The following DRAM1 variants were observed in gnomAD, a reference collection of about 807,000 sequenced individuals.
The protein encoded by DRAM1 is DNA damage-regulated autophagy modulator protein 1.
A neutral mutation model predicts 28.5 loss-of-function variants in DRAM1; 25 were observed. That is an observed-to-expected ratio of 0.88 (90% CI 0.64 to 1.23). DRAM1 has a LOEUF of 1.23. Among genes scored for constraint, DRAM1 ranks in the 50% most tolerant of loss-of-function variants. The pLI is 0.00. For missense variants in DRAM1, 249 were observed against 299.2 expected (o/e 0.83, Z 1.24); for synonymous variants, 113 against 114.2 (o/e 0.99, Z 0.07).
intron 4 of DRAM1, among the ~76,000 whole-genome samples, chr12:101,911,873 A>G (rs1425914622): frequency 6.6e-6 from 1 of 152,184 alleles, no homozygotes; most frequent in East Asian, 1.9e-4. Context: ...TCTTATATTG[A>G]CAATATTTTT....
In DRAM1 at chr12:101,923,366, ATC is replaced by A. The variant is rs1179812765; in HGVS notation, c.*2112_*2113del. ...ATGGAGTTTCATGCTTCATTTTCAC[ATC>A]TCTCTGCACAATTAGATTGGGAGCT... On this transcript the variant is annotated 3_prime_UTR_variant, in exon 7 of 7. Coordinates refer to ENST00000258534, the MANE Select transcript of DRAM1 (RefSeq NM_018370.3). 6.6e-6 allele frequency: 1 copy of A among 152,114 alleles called. No homozygotes were observed. The highest frequency in any genetic ancestry group is 1.9e-4 in the East Asian group (1 of 5,198). 9.4% of individuals were successfully genotyped at this position (152,114 alleles called of 1,614,324 possible).
rs1263181357 is a variant in DRAM1 at position 101,921,666 on chromosome 12, T to C, written c.*406T>C. 6.4e-6 allele frequency: 1 copy of C among 155,434 alleles called. No individual in the cohort carries two copies. Among genetic ancestry groups the C allele is most frequent in the East Asian group, 1.9e-4 (1 of 5,308 alleles). The allele number at this position is 155,434 out of a possible 1,614,324, so 9.6% of individuals were successfully genotyped here. ...TATTACAAAGTGAAATCAGGGGATA[T>C]TCATTTGTAAATTTTATTCTTAGTG... On this transcript the variant is annotated 3_prime_UTR_variant, in exon 7 of 7. Transcript: ENST00000258534.
At chr12:101,890,983 T>C (rs1174722604) in intron 1 of DRAM1, among the ~76,000 whole-genome samples, 1 of 151,862 alleles carries the variant, frequency 6.6e-6, no homozygotes, top group African/African-American at 2.4e-5. Flanking sequence ...TCTCTTGACC[T>C]TGTGATCCGC....
At position 101,921,468 on chromosome 12, in the gene DRAM1, G is replaced by A. The variant is rs1874480874; in HGVS notation, c.*208G>A. ...TACAGCCTTATGACACTGTAGTGAT[G>A]TTTTTATAATTTTCTAAGTAGATTT... On this transcript the variant is annotated 3_prime_UTR_variant, in exon 7 of 7. Coordinates refer to ENST00000258534, the MANE Select transcript of DRAM1 (RefSeq NM_018370.3). 2 of 396,336 alleles carry A rather than the reference G, an allele frequency of 5.0e-6. No homozygotes were observed. The highest frequency in any genetic ancestry group is 4.5e-6 in the Non-Finnish European group (1 of 223,420). 24.6% of individuals were successfully genotyped at this position (396,336 alleles called of 1,614,324 possible). A position where few individuals can be genotyped will look rare whatever the true frequency, so the allele number is the denominator to read the frequency against.
chr12:101,913,834 C>T (rs778388858), intron 4 of DRAM1, among the ~76,000 whole-genome samples: 1 of 150,196 alleles, frequency 6.7e-6, no homozygotes, highest in Non-Finnish European at 1.5e-5. Context: ...CGAATTTAAA[C>T]AGCTAGTTTA....
rs1268105768 is a variant in DRAM1, at chr12:101,910,171, C to T, written c.520+1808C>T. On this transcript the variant is annotated intron_variant, in intron 4 of 6. Coordinates refer to ENST00000258534, the MANE Select transcript of DRAM1 (RefSeq NM_018370.3). ...GCACAGAGTAGCCAAATCCTAGTAC[C>T]GAGAAATTTACCAACAAAATATATA... Among the ~76,000 whole-genome samples, 5 of 152,052 alleles carry T rather than the reference C, an allele frequency of 3.3e-5. No homozygotes were observed. In the East Asian group the frequency reaches 7.7e-4, roughly 23 times the overall value.
At chr12:101,905,267 T>G (rs1873759868) in intron 3 of DRAM1, among the ~76,000 whole-genome samples, 1 of 152,192 alleles carries the variant, frequency 6.6e-6, no homozygotes, top group South Asian at 2.1e-4. Context: ...ATTTATTTAT[T>G]TATTTGTATT....
chr12:101,909,736 C>T (rs1205268589), intron 4 of DRAM1, among the ~76,000 whole-genome samples: 1 of 152,100 alleles, frequency 6.6e-6, no homozygotes, highest in Non-Finnish European at 1.5e-5. Context: ...ATTTAGCGTG[C>T]TTGTAGATTC....
rs573149474 is a variant in DRAM1 at position 101,920,469 on chromosome 12, A to G, written c.672+268A>G. ...AACTTCATGTGTTAGCTTATTCCCAATGGGAGGCATCTTTAATAGCTCTCC... is the reference window on the plus strand; with the variant it reads ...AACTTCATGTGTTAGCTTATTCCCAGTGGGAGGCATCTTTAATAGCTCTCC... On this transcript the variant is annotated intron_variant, in intron 6 of 6. Transcript: ENST00000258534. Among the ~76,000 whole-genome samples, 5 of 152,260 alleles carry G rather than the reference A, an allele frequency of 3.3e-5. No individual in the cohort carries two copies. In the East Asian group the frequency reaches 7.7e-4, roughly 23 times the overall value.
intron 5 of DRAM1, among the ~76,000 whole-genome samples, chr12:101,917,499 C>T (rs1400408001): frequency 6.6e-6 from 1 of 151,230 alleles, no homozygotes; most frequent in Admixed American, 6.6e-5. Context: ...CTAGCCTGGC[C>T]AATATGGCGA....
chr12:101,895,199 T>TTGTTTTTTTTTTTTTTTTTTG (rs1566123841), intron 1 of DRAM1, among the ~76,000 whole-genome samples: 1 of 129,194 alleles, frequency 7.7e-6, no homozygotes, highest in Non-Finnish European at 1.6e-5. Flanking sequence ...TTTTTTTTTT[T>TTGTTTTTTTTTTTTTTTTTTG]TTTTTTTTTT....
At chr12:101,897,974 TTCCAAGTGAAGTTGATG>T (rs748451516) in intron 2 of DRAM1, 44 bp downstream of exon 2, 1 of 1,194,622 alleles carries the variant, frequency 8.4e-7, no homozygotes, top group South Asian at 1.4e-5. Context: ...AAGCTCACAA[TTCCAAGTGAAGTTGATG>T]TGTCATTTGT....
chr12:101,911,664 C>A (rs1409131906), intron 4 of DRAM1, among the ~76,000 whole-genome samples: 2 of 152,062 alleles, frequency 1.3e-5, no homozygotes, highest in African/African-American at 4.8e-5. Context: ...GTGGCTAGTC[C>A]AGATTGAGAT....
intron 6 of DRAM1, among the ~76,000 whole-genome samples, chr12:101,920,435 G>A (rs1874438604): frequency 6.6e-6 from 1 of 151,804 alleles, no homozygotes; most frequent in Non-Finnish European, 1.5e-5. Context: ...AAATCTGTAA[G>A]GATTGTGCAA....
chr12:101,887,726 C>CG (rs1219139647), intron 1 of DRAM1, among the ~76,000 whole-genome samples: 7 of 151,670 alleles, frequency 4.6e-5, no homozygotes. Flanking sequence ...TTAGTAGAGA[C>CG]GGGGGTTTCA....
chr12:101,885,396 C>G (rs1872849235), intron 1 of DRAM1, among the ~76,000 whole-genome samples: 2 of 152,108 alleles, frequency 1.3e-5, no homozygotes, highest in Non-Finnish European at 2.9e-5. Context: ...CGAAACCCTG[C>G]CCCAGAAGCA....
chr12:101,890,774 G>A (rs1363843461), intron 1 of DRAM1, among the ~76,000 whole-genome samples: 4 of 135,002 alleles, frequency 3.0e-5, no homozygotes, highest in Admixed American at 7.9e-5. Context: ...TTTTTGAGTC[G>A]GCGTCTTGCT....
chr12:101,899,503 AAAAG>A (rs983328500), intron 2 of DRAM1, among the ~76,000 whole-genome samples: 5 of 152,002 alleles, frequency 3.3e-5, no homozygotes, highest in African/African-American at 9.7e-5. Flanking sequence ...AAAAAGTTAA[AAAAG>A]AAAGAAAGAA....
chr12:101,878,773 T>C (rs978025101), intron 1 of DRAM1, among the ~76,000 whole-genome samples: 8 of 152,166 alleles, frequency 5.3e-5, no homozygotes, highest in African/African-American at 1.7e-4. Context: ...TGGACAGGCA[T>C]TGGTTGGTGA....
Sources: allele counts gnomAD v4.1 joint callset (sites outside exome capture counted in the v4.1 genomes callset), GRCh38; gene constraint gnomAD v4.1.1; transcripts MANE v1.5; gene names NCBI Gene and HGNC (gene_info 2026-07-23, HGNC 2026-07-21).